TRUB1: variants seen among roughly 807,000 people sequenced by gnomAD.
TRUB1 encodes TruB pseudouridine synthase family member 1.
Under a neutral mutation model 33.9 loss-of-function variants are expected in TRUB1, and 23 were observed. The ratio of observed to expected loss-of-function variants is 0.68; its 90% confidence interval spans 0.49 to 0.96. The LOEUF (loss-of-function observed/expected upper bound fraction) is 0.96. TRUB1 is among the 40% of genes least tolerant of loss of function. TRUB1 has a pLI of 0.00. For synonymous variants in TRUB1, 163 were observed against 165.4 expected, an observed-to-expected ratio of 0.99 and a Z score of 0.11; for missense variants, 378 against 422.2, an observed-to-expected ratio of 0.90 and a Z score of 0.92.
At position 114,975,501 on chromosome 10, in the gene TRUB1, TG is replaced by T. The variant is rs2084356737; in HGVS notation, c.*123del. ...TTTTTTTTTTTTGCATGAAGAAAAA[TG>T]TCTATCATTTACAGTTTCAATAGCA... On this transcript the variant is annotated 3_prime_UTR_variant, in exon 8 of 8. Coordinates refer to ENST00000298746, the MANE Select transcript of TRUB1 (RefSeq NM_139169.5). 1 of 1,003,860 alleles carries T rather than the reference TG, an allele frequency of 1.0e-6. No homozygotes were observed. The highest frequency in any genetic ancestry group is 1.4e-6 in the Non-Finnish European group (1 of 709,958). The allele number at this position is 1,003,860 out of a possible 1,614,324, so 62.2% of individuals were successfully genotyped here.
chr10:114,942,805 T>A (rs745392429), intron 2 of TRUB1, 62 bp downstream of exon 2: 1 of 1,083,322 alleles, frequency 9.2e-7, no homozygotes, highest in Non-Finnish European at 1.4e-6. Context: ...GAAACACTGG[T>A]TGAGAACAGA....
intron 2 of TRUB1, among the ~76,000 whole-genome samples, chr10:114,943,332 C>T (rs1194394644): frequency 6.6e-5 from 10 of 152,104 alleles, no homozygotes; most frequent in Middle Eastern, 3.4e-3. Flanking sequence ...GAATTCGAGA[C>T]GAGCCTGACC....
chr10:114,939,643 A>T (rs780515113), intron 1 of TRUB1, among the ~76,000 whole-genome samples: 2 of 152,244 alleles, frequency 1.3e-5, no homozygotes, highest in African/African-American at 2.4e-5. Context: ...TAATTCCAGT[A>T]TCACGACTAC....
chr10:114,952,224 A>C (rs947529281), intron 3 of TRUB1, among the ~76,000 whole-genome samples: 1 of 152,130 alleles, frequency 6.6e-6, no homozygotes, highest in Non-Finnish European at 1.5e-5. Context: ...AGATCACTTG[A>C]GGTCAGGATT....
In TRUB1 at chr10:114,975,293, C is replaced by T. The variant is rs756629825; in HGVS notation, c.964C>T (p.Pro322Ser). The T allele has an allele frequency of 6.2e-7, 1 of 1,613,418 alleles. No individual in the cohort carries two copies. Among genetic ancestry groups the T allele is most frequent in the Admixed American group, 1.7e-5 (1 of 59,928 alleles). Residue 322 changes from proline (P) to serine (S), a missense_variant, in exon 8 of 8, where the codon CCT becomes TCT. Coordinates refer to ENST00000298746, the MANE Select transcript of TRUB1 (RefSeq NM_139169.5). ...PAELALKKSK[P>S]ESNEQVLSCE... ...AGAGTTGGCACTTAAAAAATCAAAA[C>T]CTGAGTCTAATGAACAGGTTTTGAG...
At chr10:114,943,433 G>C (rs1052392416) in intron 2 of TRUB1, among the ~76,000 whole-genome samples, 9 of 152,202 alleles carry the variant, frequency 5.9e-5, no homozygotes, top group Admixed American at 1.3e-4. Flanking sequence ...GGGAGGCTGA[G>C]GCAGAAGAAT....
intron 3 of TRUB1, among the ~76,000 whole-genome samples, chr10:114,954,917 T>TC (rs2084255457): frequency 6.6e-6 from 1 of 151,942 alleles, no homozygotes; most frequent in Non-Finnish European, 1.5e-5. Context: ...TCTTTTTTTT[T>TC]TTTCATGGCT....
At chr10:114,950,916 T>G (rs939730865) in intron 2 of TRUB1, among the ~76,000 whole-genome samples, 178 bp from the exon 3 acceptor site, 2 of 152,250 alleles carry the variant, frequency 1.3e-5, no homozygotes, top group African/African-American at 4.8e-5. Context: ...TTAGAATTTC[T>G]TAGTTGCATG....
intron 4 of TRUB1, among the ~76,000 whole-genome samples, chr10:114,963,311 T>C (rs1431666584): frequency 6.6e-6 from 1 of 152,234 alleles, no homozygotes; most frequent in East Asian, 1.9e-4. Context: ...ATGGTTTGGC[T>C]GCTGAGACTT....
intron 4 of TRUB1, among the ~76,000 whole-genome samples, chr10:114,968,149 A>C (rs1217626473): frequency 6.6e-6 from 1 of 152,192 alleles, no homozygotes; most frequent in African/African-American, 2.4e-5. Flanking sequence ...ATAGTTAAAA[A>C]ATGTGTATGA....
At chr10:114,945,333 G>T (rs1713496923) in intron 2 of TRUB1, among the ~76,000 whole-genome samples, 1 of 152,194 alleles carries the variant, frequency 6.6e-6, no homozygotes, top group Non-Finnish European at 1.5e-5. Flanking sequence ...CACTTCAGTA[G>T]CCTATACCAG....
At chr10:114,957,516 T>G (rs929723373) in intron 3 of TRUB1, among the ~76,000 whole-genome samples, 2 of 152,238 alleles carry the variant, frequency 1.3e-5, no homozygotes, top group Non-Finnish European at 2.9e-5. Context: ...TATGCCTTCC[T>G]TCTTTCTATG....
chr10:114,953,021 A>G (rs2084244100), intron 3 of TRUB1, among the ~76,000 whole-genome samples: 1 of 152,208 alleles, frequency 6.6e-6, no homozygotes, highest in Admixed American at 6.5e-5. Context: ...GGGTTTTTTT[A>G]CCAAGATAAA....
chr10:114,965,170 C>G (rs1285769756), intron 4 of TRUB1, among the ~76,000 whole-genome samples: 2 of 152,034 alleles, frequency 1.3e-5, no homozygotes, highest in East Asian at 3.9e-4. Flanking sequence ...ACCTTGTGAT[C>G]TGCCTGCCTC....
rs2084359494 is a variant in TRUB1, at chr10:114,976,201, T to G, written c.*822T>G. On this transcript the variant is annotated 3_prime_UTR_variant, in exon 8 of 8. Transcript: ENST00000298746. ...ATGTGTCTTCAACTAAAAACTTTAT[T>G]CTTTAGCATTTATTTATATTTCTCT... is the stretch of plus-strand genomic sequence containing the variant. The G allele has an allele frequency of 6.7e-6, 1 of 149,240 alleles. No individual in the cohort carries two copies. The highest frequency in any genetic ancestry group is 2.6e-5 in the African/African-American group (1 of 39,130). The allele number at this position is 149,240 out of a possible 1,614,324, so 9.2% of individuals were successfully genotyped here.
chr10:114,976,001 C>T lies in TRUB1; in HGVS notation c.*622C>T, dbSNP rs923484853. The T allele has an allele frequency of 2.6e-5, 4 of 152,490 alleles. No homozygotes were observed. Among genetic ancestry groups the T allele is most frequent in the Non-Finnish European group, 4.4e-5 (3 of 67,988 alleles). 9.4% of individuals were successfully genotyped at this position (152,490 alleles called of 1,614,324 possible). A position where few individuals can be genotyped will look rare whatever the true frequency, so the allele number is the denominator to read the frequency against. On this transcript the variant is annotated 3_prime_UTR_variant, in exon 8 of 8. Coordinates refer to ENST00000298746, the MANE Select transcript of TRUB1 (RefSeq NM_139169.5). ...ACCAAATTATTACTGCTACCACTAA[C>T]AGGTTGTAAATAGAAGACTAATACT... is the stretch of plus-strand genomic sequence containing the variant.
chr10:114,965,779 GATA>G (rs1425033864), intron 4 of TRUB1, among the ~76,000 whole-genome samples: 4 of 152,016 alleles, frequency 2.6e-5, no homozygotes, highest in African/African-American at 9.7e-5. Flanking sequence ...TATCAATGTA[GATA>G]ATTTTTTCTC....
intron 4 of TRUB1, among the ~76,000 whole-genome samples, chr10:114,964,330 CCTTTT>C (rs2084297402): frequency 6.6e-6 from 1 of 151,058 alleles, no homozygotes; most frequent in Non-Finnish European, 1.5e-5. Context: ...TTTTTCTTTC[CCTTTT>C]GAGTTGCCTT....
At chr10:114,951,016 A>G in intron 2 of TRUB1, 78 bp from the exon 3 acceptor site, 2 of 1,312,208 alleles carry the variant, frequency 1.5e-6, no homozygotes, top group Non-Finnish European at 2.2e-6. Flanking sequence ...CTGGGAAATT[A>G]TGACCAAAAA....
Sources: gnomAD v4.1 joint callset for allele counts (sites outside exome capture counted in the v4.1 genomes callset) on GRCh38, gnomAD v4.1.1 for gene constraint, MANE v1.5 for transcripts, NCBI Gene and HGNC (gene_info 2026-07-23, HGNC 2026-07-21) for gene names.